Variants in MAGI2 observed in about 807,000 individuals in gnomAD.
The protein encoded by MAGI2 is membrane-associated guanylate kinase, WW and PDZ domain-containing protein 2.
A neutral mutation model predicts 133.3 loss-of-function variants in MAGI2; 35 were observed. That is an observed-to-expected ratio of 0.26 (90% CI 0.20 to 0.35). The LOEUF (loss-of-function observed/expected upper bound fraction) is 0.35, where lower values mean the gene tolerates loss of function less well. Among genes scored for constraint, MAGI2 ranks in the 10% least tolerant of loss-of-function variants. The pLI is 1.00. For synonymous variants in MAGI2, 729 were observed against 710.6 expected (o/e 1.03, Z -0.41); for missense variants, 1,636 against 1,863.4 (o/e 0.88, Z 2.25).
At chr7:78,951,983 T>C (rs1479266554) in intron 2 of MAGI2, among the ~76,000 whole-genome samples, 4 of 152,168 alleles carry the variant, frequency 2.6e-5, no homozygotes. Flanking sequence ...AAGTATCTTT[T>C]GAATTGTGTG....
At chr7:78,293,337 CTCA>C (rs986184167) in intron 9 of MAGI2, among the ~76,000 whole-genome samples, 1 of 152,150 alleles carries the variant, frequency 6.6e-6, no homozygotes, top group African/African-American at 2.4e-5. Context: ...TGAAAAAATG[CTCA>C]TCATCACTGG....
At chr7:79,279,064 TGCTCAATCTAAAG>T in intron 1 of MAGI2, among the ~76,000 whole-genome samples, 1 of 152,246 alleles carries the variant, frequency 6.6e-6, no homozygotes, top group South Asian at 2.1e-4. Flanking sequence ...GGCTGCTTGC[TGCTCAATCTAAAG>T]GAATAAGGCC....
intron 1 of MAGI2, among the ~76,000 whole-genome samples, chr7:79,346,001 T>G (rs1045365367): frequency 6.6e-6 from 1 of 152,100 alleles, no homozygotes; most frequent in African/African-American, 2.4e-5. Context: ...GGTAAACCAT[T>G]TCTACATTTT....
chr7:78,797,265 T>C (rs1787695339), intron 2 of MAGI2, among the ~76,000 whole-genome samples: 1 of 151,980 alleles, frequency 6.6e-6, no homozygotes, highest in African/African-American at 2.4e-5. Flanking sequence ...TAAAACTATA[T>C]CAATAAAAAT....
chr7:78,442,727 T>C (rs1787751079), intron 6 of MAGI2, among the ~76,000 whole-genome samples: 1 of 152,106 alleles, frequency 6.6e-6, no homozygotes, highest in African/African-American at 2.4e-5. Context: ...TATTTATCAA[T>C]ATTTACTTAG....
At chr7:78,083,387 G>GGGGGGA (rs1816229903) in intron 20 of MAGI2, among the ~76,000 whole-genome samples, 13 of 33,304 alleles carry the variant, frequency 3.9e-4, no homozygotes, top group Non-Finnish European at 6.3e-4. Flanking sequence ...AGGGAGGGGG[G>GGGGGGA]GAGAGAGAGA....
intron 9 of MAGI2, among the ~76,000 whole-genome samples, chr7:78,285,271 C>G (rs1203346915): frequency 6.6e-6 from 1 of 152,132 alleles, no homozygotes; most frequent in East Asian, 1.9e-4. Flanking sequence ...TTTTAGAACT[C>G]CTTTGTATCC....
chr7:78,738,557 A>G (rs188822200), intron 2 of MAGI2, among the ~76,000 whole-genome samples: 2 of 152,280 alleles, frequency 1.3e-5, no homozygotes, highest in East Asian at 3.9e-4. Context: ...ATAAAACTGC[A>G]GGCTAATATT....
rs567691658 is a variant in MAGI2 at position 78,486,834 on chromosome 7, C to T, written c.1045+2927G>A. ...CCCTAGAAATTGCTGTCCCTGAGCT[C>T]GACAGAAAGACAGCAAAGATGTACA... On this transcript the variant is annotated intron_variant, in intron 6 of 21. Transcript: ENST00000354212. The T allele has an allele frequency of 1.7e-3, 801 of 467,686 alleles. 2 individuals are homozygous for T. The highest frequency in any genetic ancestry group is 2.5e-3 in the Non-Finnish European group (584 of 236,252). The allele number at this position is 467,686 out of a possible 1,614,324, so 29.0% of individuals were successfully genotyped here. A position where few individuals can be genotyped will look rare whatever the true frequency, so the allele number is the denominator to read the frequency against.
At chr7:78,896,009 T>C (rs1419029563) in intron 2 of MAGI2, among the ~76,000 whole-genome samples, 1 of 152,142 alleles carries the variant, frequency 6.6e-6, no homozygotes, top group Non-Finnish European at 1.5e-5. Context: ...TGTTTTAAAC[T>C]TAAAAAAAGA....
At chr7:78,153,103 T>C (rs1355706790) in intron 16 of MAGI2, among the ~76,000 whole-genome samples, 1 of 152,220 alleles carries the variant, frequency 6.6e-6, no homozygotes. Flanking sequence ...AAGTTTATAA[T>C]GACATAGAGA....
intron 2 of MAGI2, among the ~76,000 whole-genome samples, chr7:78,787,179 C>T (rs907019667): frequency 9.9e-5 from 15 of 152,098 alleles, no homozygotes; most frequent in Admixed American, 9.8e-4. Flanking sequence ...ATCTCCTGAC[C>T]TCATGATCTG....
chr7:79,001,719 C>T (rs905656551), intron 2 of MAGI2, among the ~76,000 whole-genome samples: 1 of 152,134 alleles, frequency 6.6e-6, no homozygotes, highest in African/African-American at 2.4e-5. Context: ...GCAAATTAAT[C>T]CAATATTCTT....
chr7:79,071,812 A>C (rs1339789007), intron 1 of MAGI2, among the ~76,000 whole-genome samples: 1 of 152,108 alleles, frequency 6.6e-6, no homozygotes, highest in East Asian at 1.9e-4. Context: ...ACCCCTCCCC[A>C]CCATGTTGGA....
intron 1 of MAGI2, among the ~76,000 whole-genome samples, chr7:79,424,923 C>G (rs527961667): frequency 2.0e-5 from 3 of 152,000 alleles, no homozygotes; most frequent in South Asian, 4.2e-4. Flanking sequence ...ATTTTTTAAG[C>G]CTCCAAAAAT....
At chr7:79,405,494 T>C (rs995155213) in intron 1 of MAGI2, among the ~76,000 whole-genome samples, 3 of 152,172 alleles carry the variant, frequency 2.0e-5, no homozygotes, top group Admixed American at 6.5e-5. Flanking sequence ...TAATACTTAC[T>C]ACTATGAGCT....
At chr7:78,535,674 A>C (rs1797827645) in intron 3 of MAGI2, among the ~76,000 whole-genome samples, 1 of 152,142 alleles carries the variant, frequency 6.6e-6, no homozygotes, top group Admixed American at 6.5e-5. Flanking sequence ...CCCTTTCCCA[A>C]AACAAACCCC....
chr7:79,381,044 C>T (rs1843739387), intron 1 of MAGI2, among the ~76,000 whole-genome samples: 1 of 151,726 alleles, frequency 6.6e-6, no homozygotes, highest in African/African-American at 2.4e-5. Flanking sequence ...AGTTATAACC[C>T]TTCACAAACT....
intron 1 of MAGI2, among the ~76,000 whole-genome samples, chr7:79,324,341 A>G (rs2129561939): frequency 6.7e-6 from 1 of 149,834 alleles, no homozygotes; most frequent in South Asian, 2.1e-4. Context: ...AAATGTTTCA[A>G]TTTATGTATG....
Sources: allele counts gnomAD v4.1 joint callset (sites outside exome capture counted in the v4.1 genomes callset), GRCh38; gene constraint gnomAD v4.1.1; transcripts MANE v1.5; gene names NCBI Gene and HGNC (gene_info 2026-07-23, HGNC 2026-07-21).